ITM2B: variants seen among roughly 807,000 people sequenced by gnomAD.
ITM2B encodes the protein ABri/ADan amyloid peptide.
A neutral mutation model predicts 27.8 loss-of-function variants in ITM2B; 11 were observed. That is an observed-to-expected ratio of 0.40 (90% CI 0.25 to 0.66). The LOEUF (loss-of-function observed/expected upper bound fraction) is 0.66. Ranked by LOEUF, ITM2B falls within the 30% of genes least tolerant of loss-of-function variation. The pLI is 0.43. For synonymous variants in ITM2B, 114 were observed against 114.3 expected, an observed-to-expected ratio of 1.00 and a Z score of 0.02; for missense variants, 296 against 328.9, an observed-to-expected ratio of 0.90 and a Z score of 0.77.
rs1951840024 is a variant in ITM2B at position 48,264,259 on chromosome 13, C to G, written c.*3035C>G. On this transcript the variant is annotated 3_prime_UTR_variant, in exon 6 of 6. Transcript: ENST00000647800. ...TATATGTTAGCAAGCAAACACTGATCTTGTTTTGTAATGTGTAATTGTTCA... is the reference window on the plus strand; with the variant it reads ...TATATGTTAGCAAGCAAACACTGATGTTGTTTTGTAATGTGTAATTGTTCA... The G allele has an allele frequency of 6.6e-6, 1 of 152,030 alleles. No homozygotes were observed. The highest frequency in any genetic ancestry group is 2.4e-5 in the African/African-American group (1 of 41,406). 9.4% of individuals were successfully genotyped at this position (152,030 alleles called of 1,614,324 possible).
In ITM2B at chr13:48,262,334, G is replaced by C. The variant is rs1392504097; in HGVS notation, c.*1110G>C. ...GATTCATTTCACCTCAAGTTCCTAA[G>C]ACAAAAAATTTCAATTCTGACTTTA... On this transcript the variant is annotated 3_prime_UTR_variant, in exon 6 of 6. Coordinates refer to ENST00000647800, the MANE Select transcript of ITM2B (RefSeq NM_021999.5). 1 of 151,992 alleles carries C rather than the reference G, an allele frequency of 6.6e-6. No individual in the cohort carries two copies. The highest frequency in any genetic ancestry group is 2.4e-5 in the African/African-American group (1 of 41,374). The allele number at this position is 151,992 out of a possible 1,614,324, so 9.4% of individuals were successfully genotyped here. A position where few individuals can be genotyped will look rare whatever the true frequency, so the allele number is the denominator to read the frequency against.
At chr13:48,255,845 C>T (rs910507933) in intron 2 of ITM2B, among the ~76,000 whole-genome samples, 13 of 152,080 alleles carry the variant, frequency 8.5e-5, no homozygotes, top group Non-Finnish European at 1.8e-4. Flanking sequence ...ATGTATTCTT[C>T]TATAAAAACT....
rs1338597019 is a variant in ITM2B at position 48,265,369 on chromosome 13, G to A, written c.*4145G>A. On this transcript the variant is annotated 3_prime_UTR_variant, in exon 6 of 6. Transcript: ENST00000647800. ...GGTCTTATCCCCGTCGCAAATGGAG[G>A]ATATTTAAGAAACCCAAGCCAGAAA... 1 of 152,116 alleles carries A rather than the reference G, an allele frequency of 6.6e-6. No homozygotes were observed. The highest frequency in any genetic ancestry group is 2.4e-5 in the African/African-American group (1 of 41,368). 9.4% of individuals were successfully genotyped at this position (152,116 alleles called of 1,614,324 possible).
At chr13:48,254,651 G>A (rs971136294) in intron 2 of ITM2B, among the ~76,000 whole-genome samples, 1 of 151,952 alleles carries the variant, frequency 6.6e-6, no homozygotes, top group East Asian at 1.9e-4. Context: ...TCAAAATTTG[G>A]AGAAACAGTT....
At chr13:48,261,052 T>C in intron 5 of ITM2B, 87 bp from the exon 6 acceptor site, 1 of 865,350 alleles carries the variant, frequency 1.2e-6, no homozygotes, top group South Asian at 1.5e-5. Flanking sequence ...AATACTTCTA[T>C]ATGTCTAAAT....
At position 48,243,722 on chromosome 13, in the gene ITM2B, TAGG is replaced by T. The variant is rs567784380; in HGVS notation, c.118-10081_118-10079del. ...GTCCCAGCTACTTGGGAGGCTGAGG[TAGG>T]AGGATCACTTGAGCCCAGGAGGTTG... On this transcript the variant is annotated intron_variant, in intron 1 of 5. Coordinates refer to ENST00000647800, the MANE Select transcript of ITM2B (RefSeq NM_021999.5). 4.6e-3 allele frequency among the ~76,000 whole-genome samples: 692 copies of T among 151,922 alleles called. 4 individuals are homozygous for T. Among genetic ancestry groups the T allele is most frequent in the Non-Finnish European group, 7.1e-3 (485 of 67,936 alleles).
At position 48,267,139 on chromosome 13, in the gene ITM2B, T is replaced by TAA. The variant is rs1951857797; in HGVS notation, c.*5915_*5916insAA. 1 of 152,196 alleles carries TAA rather than the reference T, an allele frequency of 6.6e-6. No individual in the cohort carries two copies. The highest frequency in any genetic ancestry group is 1.9e-4 in the East Asian group (1 of 5,204). 9.4% of individuals were successfully genotyped at this position (152,196 alleles called of 1,614,324 possible). A position where few individuals can be genotyped will look rare whatever the true frequency, so the allele number is the denominator to read the frequency against. ...ACTGCCCTTCTTGATTTGCCAATTA[T>TAA]GCCCCTGCTGGGAAGCATGAAAGGA... is the stretch of plus-strand genomic sequence containing the variant. On this transcript the variant is annotated 3_prime_UTR_variant, in exon 6 of 6. Transcript: ENST00000647800.
chr13:48,242,462 T>A (rs1951705301), intron 1 of ITM2B, among the ~76,000 whole-genome samples: 1 of 152,110 alleles, frequency 6.6e-6, no homozygotes, highest in South Asian at 2.1e-4. Flanking sequence ...TATTCCAGAC[T>A]GGTTGCACTC....
At chr13:48,260,822 T>G (rs1383932282) in intron 5 of ITM2B, among the ~76,000 whole-genome samples, 1 of 152,160 alleles carries the variant, frequency 6.6e-6, no homozygotes, top group Non-Finnish European at 1.5e-5. Flanking sequence ...AACTCTGAGT[T>G]TCCACAAAGA....
rs2138004099 is a variant in ITM2B at position 48,269,497 on chromosome 13, G to C, written c.*8273G>C. ...ATAAAAGTCGAACAATGCCCTACCT[G>C]TAGGTAATCTAGGCCTCCAAAGCTC... On this transcript the variant is annotated 3_prime_UTR_variant, in exon 6 of 6. Transcript: ENST00000647800. 6.6e-6 allele frequency: 1 copy of C among 152,338 alleles called. No individual in the cohort carries two copies. The allele number at this position is 152,338 out of a possible 1,614,324, so 9.4% of individuals were successfully genotyped here.
chr13:48,258,720 G>C, intron 4 of ITM2B, 77 bp from the exon 5 acceptor site: 1 of 1,360,542 alleles, frequency 7.4e-7, no homozygotes, highest in Non-Finnish European at 1.0e-6. Context: ...TAATGTGTAA[G>C]AATTTTGTCT....
chr13:48,233,446 T>C lies in ITM2B; in HGVS notation c.86T>C (p.Ile29Thr). The change falls in exon 1 of 6, where the codon ATC becomes ACC. Residue 29 changes from isoleucine to threonine, a missense_variant. Ile to Thr is a moderately conservative substitution (Grantham distance 89, BLOSUM62 -1). Transcript: ENST00000647800. Reference protein sequence around the residue: ...EPKSGEEALIIPPDAVAVDCK... With the variant: ...EPKSGEEALITPPDAVAVDCK... ...AAGAGCGGCGAGGAGGCGCTCATCATCCCCCCCGACGCCGTCGCGGTGGAC... is the reference window on the plus strand; with the variant it reads ...AAGAGCGGCGAGGAGGCGCTCATCACCCCCCCCGACGCCGTCGCGGTGGAC... 5 of 1,532,332 alleles carry C rather than the reference T, an allele frequency of 3.3e-6. No homozygotes were observed. Among genetic ancestry groups the C allele is most frequent in the East Asian group, 2.6e-5 (1 of 38,104 alleles). The allele number at this position is 1,532,332 out of a possible 1,614,324, so 94.9% of individuals were successfully genotyped here. A position where few individuals can be genotyped will look rare whatever the true frequency, so the allele number is the denominator to read the frequency against.
chr13:48,241,273 A>G (rs1371225258), intron 1 of ITM2B, among the ~76,000 whole-genome samples: 5 of 152,108 alleles, frequency 3.3e-5, no homozygotes, highest in East Asian at 1.9e-4. Context: ...GTGCAGTGGC[A>G]TGATCTCGGC....
chr13:48,243,527 C>T (rs1847870225), intron 1 of ITM2B, among the ~76,000 whole-genome samples: 1 of 152,092 alleles, frequency 6.6e-6, no homozygotes, highest in Non-Finnish European at 1.5e-5. Flanking sequence ...CCTTTTACAA[C>T]AGTAGAAATT....
At chr13:48,240,938 A>G (rs1262297017) in intron 1 of ITM2B, among the ~76,000 whole-genome samples, 2 of 152,212 alleles carry the variant, frequency 1.3e-5, no homozygotes, top group Admixed American at 1.3e-4. Flanking sequence ...CTTAGAGGTA[A>G]CCACTATTCT....
chr13:48,251,336 G>A (rs188542320), intron 1 of ITM2B, among the ~76,000 whole-genome samples: 2 of 152,208 alleles, frequency 1.3e-5, no homozygotes, highest in African/African-American at 4.8e-5. Flanking sequence ...TTTCTCCCTT[G>A]GGAAGTCTTC....
chr13:48,261,654 C>T lies in ITM2B; in HGVS notation c.*430C>T, dbSNP rs1951823921. On this transcript the variant is annotated 3_prime_UTR_variant, in exon 6 of 6. Coordinates refer to ENST00000647800, the MANE Select transcript of ITM2B (RefSeq NM_021999.5). ...CCTAGTTTGTTAGTGCATTTGAGCA[C>T]ACATTTTAATTTTCCTCTAATTAAA... 6.5e-6 allele frequency: 1 copy of T among 153,808 alleles called. No homozygotes were observed. The highest frequency in any genetic ancestry group is 2.4e-5 in the African/African-American group (1 of 41,440). The allele number at this position is 153,808 out of a possible 1,614,324, so 9.5% of individuals were successfully genotyped here. A position where few individuals can be genotyped will look rare whatever the true frequency, so the allele number is the denominator to read the frequency against.
In ITM2B at chr13:48,259,071, A is replaced by C. The variant is rs1001204051; in HGVS notation, c.715+124A>C. 3 of 668,088 alleles carry C rather than the reference A, an allele frequency of 4.5e-6. No homozygotes were observed. The East Asian group carries it at 8.3e-5, about 18-fold the overall frequency. The allele number at this position is 668,088 out of a possible 1,614,324, so 41.4% of individuals were successfully genotyped here. ...GAGTGAGGTAATATTGTGTCGTTAT[A>C]TAATATTTCCAGGTTTCTATAGAAT... On this transcript the variant is annotated intron_variant, in intron 5 of 5. Coordinates refer to ENST00000647800, the MANE Select transcript of ITM2B (RefSeq NM_021999.5).
At chr13:48,237,409 A>G (rs1464931318) in intron 1 of ITM2B, among the ~76,000 whole-genome samples, 1 of 152,202 alleles carries the variant, frequency 6.6e-6, no homozygotes. Context: ...CCTCCTGTGT[A>G]CACATCCCTG....
Sources: allele counts gnomAD v4.1 joint callset (sites outside exome capture counted in the v4.1 genomes callset), GRCh38; gene constraint gnomAD v4.1.1; transcripts MANE v1.5; gene names NCBI Gene and HGNC (gene_info 2026-07-23, HGNC 2026-07-21).